SLC13A3: variants seen among roughly 807,000 people sequenced by gnomAD.
SLC13A3 encodes solute carrier family 13 member 3, also known as Na(+)/dicarboxylate cotransporter 3.
In SLC13A3, 40 loss-of-function variants were observed where a neutral mutation model predicts 59.0. The observed-to-expected ratio is 0.68, with a 90% CI of 0.53 to 0.88. The LOEUF (loss-of-function observed/expected upper bound fraction) is 0.88. SLC13A3 is among the 40% of genes least tolerant of loss of function. The pLI is 0.00. For missense variants in SLC13A3, 699 were observed against 783.2 expected, an observed-to-expected ratio of 0.89 and a Z score of 1.28; for synonymous variants, 317 against 330.3, an observed-to-expected ratio of 0.96 and a Z score of 0.44.
At chr20:46,627,168 G>T (rs1030465340) in intron 1 of SLC13A3, among the ~76,000 whole-genome samples, 2 of 152,138 alleles carry the variant, frequency 1.3e-5, no homozygotes, top group Middle Eastern at 3.2e-3. Flanking sequence ...GCCTCAACAG[G>T]TATTTGTTAA....
At chr20:46,657,834 G>T (rs970307495) in intron 1 of SLC13A3, among the ~76,000 whole-genome samples, 1 of 152,116 alleles carries the variant, frequency 6.6e-6, no homozygotes, top group Non-Finnish European at 1.5e-5. Flanking sequence ...AAGGCGCTGG[G>T]GGGAGGTGCC....
intron 9 of SLC13A3, among the ~76,000 whole-genome samples, chr20:46,579,048 T>G (rs2062108560): frequency 6.6e-6 from 1 of 152,136 alleles, no homozygotes; most frequent in African/African-American, 2.4e-5. Context: ...GGGGTGAGTA[T>G]AAGAAGAAAA....
intron 1 of SLC13A3, among the ~76,000 whole-genome samples, chr20:46,638,822 G>A (rs2062819950): frequency 6.6e-6 from 1 of 152,150 alleles, no homozygotes; most frequent in African/African-American, 2.4e-5. Flanking sequence ...CTCTGTGGGG[G>A]GCTGTCCTGT....
At chr20:46,680,605 C>T (rs555068085) in intron 1 of SLC13A3, among the ~76,000 whole-genome samples, 14 of 152,206 alleles carry the variant, frequency 9.2e-5, no homozygotes, top group Non-Finnish European at 8.8e-5. Flanking sequence ...ACACCCCCAA[C>T]GACTGCATAA....
At chr20:46,651,481 G>A (rs1402570062), upstream of SLC13A3, 2 of 1,364,948 alleles carry the variant, frequency 1.5e-6, no homozygotes, top group Non-Finnish European at 9.4e-7. Flanking sequence ...CCCCGGCGCC[G>A]GCTTAAAGCC....
chr20:46,621,063 C>T (rs940688869), intron 1 of SLC13A3, among the ~76,000 whole-genome samples: 1 of 152,206 alleles, frequency 6.6e-6, no homozygotes, highest in African/African-American at 2.4e-5. Context: ...GTCATGGCAA[C>T]ATTTTTGGGG....
At chr20:46,592,866 T>C (rs1426492973) in intron 5 of SLC13A3, among the ~76,000 whole-genome samples, 1 of 152,154 alleles carries the variant, frequency 6.6e-6, no homozygotes, top group East Asian at 1.9e-4. Flanking sequence ...TCAGCTGCTA[T>C]TTGCTTCCCC....
Position 46,668,769 on chromosome 20 carries a change from C to T in SLC13A3, c.-31+1274G>A, listed in dbSNP as rs73313071. Among the ~76,000 whole-genome samples, 1,111 of 152,328 alleles carry T rather than the reference C, an allele frequency of 7.3e-3. 19 individuals are homozygous for T. Among genetic ancestry groups the T allele is most frequent in the African/African-American group, 0.025 (1,058 of 41,568 alleles). ...CTGGTAACTCTAAGTTGAAGTTCTG[C>T]TCATTTGCCATTCTGAAAATCTGAA... is the stretch of plus-strand genomic sequence containing the variant. On this transcript the variant is annotated intron_variant, in intron 1 of 12. Coordinates refer to the SLC13A3 transcript ENST00000290317.
intron 10 of SLC13A3, among the ~76,000 whole-genome samples, chr20:46,568,812 TA>T (rs1447652922): frequency 3.3e-5 from 5 of 152,314 alleles, no homozygotes; most frequent in African/African-American, 1.2e-4. Flanking sequence ...AGCTGCCCCG[TA>T]GCTGGGCCTC....
chr20:46,590,187 A>C (rs566658005), intron 6 of SLC13A3, among the ~76,000 whole-genome samples: 87 of 152,282 alleles, frequency 5.7e-4, no homozygotes, highest in Non-Finnish European at 1.1e-3. Flanking sequence ...ATAAGGATGA[A>C]CTCCAAATAG....
chr20:46,670,685 C>T (rs2063085960), upstream of SLC13A3, among the ~76,000 whole-genome samples: 1 of 152,098 alleles, frequency 6.6e-6, no homozygotes, highest in South Asian at 2.1e-4. Context: ...TAAATGCAGC[C>T]CCCTAAGTGA....
chr20:46,659,528 A>G (rs930132134), intron 1 of SLC13A3, among the ~76,000 whole-genome samples: 2 of 152,128 alleles, frequency 1.3e-5, no homozygotes, highest in African/African-American at 2.4e-5. Context: ...CAGCCTGGCC[A>G]ACATGGTGAA....
chr20:46,633,424 C>T (rs1357421070), intron 1 of SLC13A3, among the ~76,000 whole-genome samples: 2 of 152,226 alleles, frequency 1.3e-5, no homozygotes, highest in Non-Finnish European at 2.9e-5. Context: ...CAGGCTGACT[C>T]ATTGGCTTTT....
chr20:46,608,861 G>A, intron 3 of SLC13A3: 4 of 1,545,630 alleles, frequency 2.6e-6, no homozygotes, highest in Non-Finnish European at 3.5e-6. Flanking sequence ...TATCTCTCAA[G>A]ATGTGGCTCC....
chr20:46,662,186 T>A (rs1174189734), intron 1 of SLC13A3, among the ~76,000 whole-genome samples: 1 of 152,184 alleles, frequency 6.6e-6, no homozygotes, highest in Non-Finnish European at 1.5e-5. Context: ...GTTAGCTCCT[T>A]TAGGTTTCTT....
chr20:46,582,057 A>G (rs1009962690), intron 9 of SLC13A3, among the ~76,000 whole-genome samples: 6 of 152,074 alleles, frequency 3.9e-5, no homozygotes, highest in African/African-American at 1.4e-4. Context: ...GAAGGCAGAG[A>G]CGGGAGGGTC....
At chr20:46,564,146 A>T (rs2061959661) in intron 11 of SLC13A3, among the ~76,000 whole-genome samples, 1 of 152,140 alleles carries the variant, frequency 6.6e-6, no homozygotes, top group East Asian at 1.9e-4. Context: ...AAACAATCTC[A>T]ACCCAGAGTT....
chr20:46,610,650 G>A (rs1469929055), intron 2 of SLC13A3, 41 bp from the exon 3 acceptor site: 2 of 1,543,234 alleles, frequency 1.3e-6, no homozygotes, highest in East Asian at 2.3e-5. Flanking sequence ...CAGAACCCAG[G>A]GCCCAGGAGA....
At chr20:46,657,125 A>C (rs537145601) in intron 1 of SLC13A3, among the ~76,000 whole-genome samples, 6 of 152,232 alleles carry the variant, frequency 3.9e-5, no homozygotes, top group Admixed American at 2.0e-4. Flanking sequence ...AAACCAACAA[A>C]AAAAGCTTTT....
Sources: gnomAD v4.1 joint callset for allele counts (sites outside exome capture counted in the v4.1 genomes callset) on GRCh38, gnomAD v4.1.1 for gene constraint, MANE v1.5 for transcripts, NCBI Gene and HGNC (gene_info 2026-07-23, HGNC 2026-07-21) for gene names.